Variants in CIAO3 observed in about 807,000 individuals in gnomAD.
CIAO3 encodes the protein cytosolic iron-sulfur assembly component 3.
In CIAO3, 45 loss-of-function variants were observed where a neutral mutation model predicts 51.5. The ratio of observed to expected loss-of-function variants is 0.87; its 90% CI spans 0.69 to 1.12. The LOEUF is 1.12. CIAO3 is among the 50% of genes most tolerant of loss of function. CIAO3 has a pLI of 0.00. For synonymous variants in CIAO3, 314 were observed against 269.3 expected (o/e 1.17, Z -1.63); for missense variants, 668 against 632.5 (o/e 1.06, Z -0.60).
Position 730,447 on chromosome 16 carries a change from C to G in CIAO3, c.1401G>C (p.Lys467Asn). Residue 467 changes from lysine (K) to asparagine (N), a missense_variant, in exon 11 of 11, where the codon AAG (lysine) becomes AAC (asparagine). Coordinates refer to ENST00000251588, the MANE Select transcript of CIAO3 (RefSeq NM_022493.3). ...ACCGGATGCCCAGGCCAGTGCTGGCCTTCTCCACGGCGTGGTACTGCGTAT... is the reference window on the plus strand; with the variant it reads ...ACCGGATGCCCAGGCCAGTGCTGGCGTTCTCCACGGCGTGGTACTGCGTAT... Reference protein sequence around the residue: ...LLHTQYHAVEKASTGLGIRW With the variant: ...LLHTQYHAVENASTGLGIRW 1 of 1,605,010 alleles carries G rather than the reference C, an allele frequency of 6.2e-7. No homozygotes were observed. Among genetic ancestry groups the G allele is most frequent in the Non-Finnish European group, 8.5e-7 (1 of 1,179,932 alleles).
At chr16:730,719 G>A in intron 10 of CIAO3, 64 bp from the exon 11 acceptor site, 1 of 1,584,676 alleles carries the variant, frequency 6.3e-7, no homozygotes, top group Non-Finnish European at 8.6e-7. Context: ...CTGACCACCA[G>A]GGAGCAGGGA....
Position 737,659 on chromosome 16 carries a change from A to G in CIAO3, c.163-330T>C, listed in dbSNP as rs1441351197. 1 of 1,334,130 alleles carries G rather than the reference A, an allele frequency of 7.5e-7. No homozygotes were observed. Among genetic ancestry groups the G allele is most frequent in the South Asian group, 1.2e-5 (1 of 81,394 alleles). 82.6% of individuals were successfully genotyped at this position (1,334,130 alleles called of 1,614,324 possible). ...GGGGTGCTGGCCCCGGTGCACACTC[A>G]CAGGGCTGTAGGGCAGGAAAATGCC... On this transcript the variant is annotated intron_variant, in intron 2 of 10. Coordinates refer to ENST00000251588, the MANE Select transcript of CIAO3 (RefSeq NM_022493.3). This position sits in a 1 kb window ranked among gnomAD's most constrained non-coding sequence, Gnocchi z 5.3.
At chr16:738,841 G>A (rs935982983) in intron 2 of CIAO3, among the ~76,000 whole-genome samples, 1 of 148,254 alleles carries the variant, frequency 6.7e-6, no homozygotes, top group African/African-American at 2.5e-5. Context: ...ACAGATGGGG[G>A]TTGGCCAGGC....
chr16:736,560 G>A (rs2041340630), intron 3 of CIAO3, among the ~76,000 whole-genome samples, 162 bp from the exon 4 acceptor site: 1 of 151,762 alleles, frequency 6.6e-6, no homozygotes, highest in East Asian at 1.9e-4. Context: ...TGTTGCCCAG[G>A]CTGGAGTGCA....
At chr16:738,564 G>T in intron 2 of CIAO3, 1 of 144,916 alleles carries the variant, frequency 6.9e-6, no homozygotes, top group East Asian at 1.9e-4. Flanking sequence ...GTGTTAGCCA[G>T]GATGGTCTCG....
chr16:735,487 C>T (rs1394495390), intron 4 of CIAO3: 3 of 152,380 alleles, frequency 2.0e-5, no homozygotes, highest in African/African-American at 7.2e-5. Context: ...CCCCACTTGC[C>T]CGTCATCATC....
chr16:736,487 G>T, intron 3 of CIAO3, 89 bp from the exon 4 acceptor site: 1 of 1,537,200 alleles, frequency 6.5e-7, no homozygotes, highest in Non-Finnish European at 8.9e-7. Context: ...GCTGTCAGCT[G>T]TGGAGAGGGC....
At chr16:731,516 TG>T in intron 9 of CIAO3, 48 bp downstream of exon 9, 3 of 1,507,036 alleles carry the variant, frequency 2.0e-6, no homozygotes, top group South Asian at 1.3e-5. Context: ...CGAGGAAGGC[TG>T]GGGGCTGTGT....
chr16:739,592 T>C (rs2041371700), intron 2 of CIAO3, 51 bp downstream of exon 2: 1 of 1,564,010 alleles, frequency 6.4e-7, no homozygotes, highest in South Asian at 1.1e-5. Flanking sequence ...GAGAAAAGTG[T>C]TTCGGATCAG....
At chr16:732,214 G>A in intron 8 of CIAO3, 87 bp downstream of exon 8, 3 of 1,387,314 alleles carry the variant, frequency 2.2e-6, no homozygotes, top group Non-Finnish European at 3.0e-6. Flanking sequence ...ATGGGCTGCG[G>A]GGAGGCAAGC....
chr16:733,520 A>C, intron 6 of CIAO3, 93 bp from the exon 7 acceptor site: 1 of 1,564,824 alleles, frequency 6.4e-7, no homozygotes, highest in Non-Finnish European at 8.7e-7. Flanking sequence ...GCCAGGCCGG[A>C]CCCCGAGGGA....
chr16:733,536 A>G (rs2041306614), intron 6 of CIAO3, 109 bp from the exon 7 acceptor site: 1 of 1,511,084 alleles, frequency 6.6e-7, no homozygotes, highest in Non-Finnish European at 9.0e-7. Flanking sequence ...AGGGACAGTG[A>G]GCCTCACTCC....
In CIAO3 at chr16:740,945, A is replaced by G; in HGVS notation, c.41T>C (p.Leu14Pro). The G allele has an allele frequency of 2.0e-6, 3 of 1,522,342 alleles. No homozygotes were observed. Among genetic ancestry groups the G allele is most frequent in the Non-Finnish European group, 2.6e-6 (3 of 1,138,938 alleles). The allele number at this position is 1,522,342 out of a possible 1,614,324, so 94.3% of individuals were successfully genotyped here. A position where few individuals can be genotyped will look rare whatever the true frequency, so the allele number is the denominator to read the frequency against. ...PFSGALQLTD[L>P]DDFIGPSQEC... ...CTGAGACGGCCCGATGAAGTCATCC[A>G]GGTCCGTCAGCTGCAGCGCCCCGCT... Residue 14 changes from leucine to proline, a missense_variant, in exon 1 of 11, where the codon CTG becomes CCG. Leu to Pro is a moderately conservative substitution (Grantham distance 98). Transcript: ENST00000251588.
In CIAO3 at chr16:734,872, C is replaced by G. The variant is rs780261183; in HGVS notation, c.440-1G>C. 2 of 1,549,622 alleles carry G rather than the reference C, an allele frequency of 1.3e-6. No homozygotes were observed. Among genetic ancestry groups the G allele is most frequent in the Non-Finnish European group, 1.7e-6 (2 of 1,144,308 alleles). ...GCGGTGTCGAAGACGAAGTGCACCC[C>G]TGGAAGGTGAAGGTGGGTGCCTGGT... On this transcript the variant is annotated splice_acceptor_variant, in intron 4 of 10. Coordinates refer to ENST00000251588, the MANE Select transcript of CIAO3 (RefSeq NM_022493.3). LOFTEE classifies it high-confidence loss of function.
Position 737,077 on chromosome 16 carries a change from C to T in CIAO3, c.306+109G>A. On this transcript the variant is annotated intron_variant, in intron 3 of 10. Coordinates refer to ENST00000251588, the MANE Select transcript of CIAO3 (RefSeq NM_022493.3). The surrounding 1 kb of genome is among the most constrained non-coding windows in gnomAD (Gnocchi z 5.3). ...CAAGCCTCAAAAAGGCAGGCGCCAC[C>T]CGCACGACGGACGTCGGCACCACAC... The T allele has an allele frequency of 6.9e-7, 1 of 1,454,676 alleles. No individual in the cohort carries two copies. Among genetic ancestry groups the T allele is most frequent in the Non-Finnish European group, 9.5e-7 (1 of 1,050,604 alleles). The allele number at this position is 1,454,676 out of a possible 1,614,324, so 90.1% of individuals were successfully genotyped here.
rs550859253 is a variant in CIAO3, at chr16:733,577, G to A, written c.694-150C>T. ...CCAGCAAGCCTCCTGCCGGCTCTGC[G>A]GATGTGTCCCTGGACAGGACGGGCC... On this transcript the variant is annotated intron_variant, in intron 6 of 10. Transcript: ENST00000251588. 23 of 1,199,374 alleles carry A rather than the reference G, an allele frequency of 1.9e-5. No individual in the cohort carries two copies. In the East Asian group the frequency reaches 2.3e-4, roughly 12 times the overall value. The allele number at this position is 1,199,374 out of a possible 1,614,324, so 74.3% of individuals were successfully genotyped here.
At position 738,110 on chromosome 16, in the gene CIAO3, A is replaced by G. The variant is rs553565876; in HGVS notation, c.163-781T>C. On this transcript the variant is annotated intron_variant, in intron 2 of 10. Coordinates refer to ENST00000251588, the MANE Select transcript of CIAO3 (RefSeq NM_022493.3). ...GTATTCCTACGTTGGTTCTGCCCCA[A>G]GGCACAAAGCCTTGCCTGCCACAGG... The G allele has an allele frequency of 2.9e-6, 3 of 1,025,238 alleles. No homozygotes were observed. In the African/African-American group the frequency reaches 5.2e-5, roughly 18 times the overall value. The allele number at this position is 1,025,238 out of a possible 1,614,324, so 63.5% of individuals were successfully genotyped here.
chr16:734,415 C>A, intron 5 of CIAO3, 68 bp from the exon 6 acceptor site: 1 of 1,181,564 alleles, frequency 8.5e-7, no homozygotes, highest in South Asian at 1.3e-5. Context: ...CAGGCAGCAG[C>A]ACGACATTCT....
intron 7 of CIAO3, chr16:732,675 C>T (rs1004216392): frequency 8.1e-5 from 34 of 419,740 alleles, no homozygotes; most frequent in Non-Finnish European, 1.2e-4. Context: ...CTCACTCTGC[C>T]GCCCAGGCTG....
Sources: allele counts gnomAD v4.1 joint callset (sites outside exome capture counted in the v4.1 genomes callset), GRCh38; gene constraint gnomAD v4.1.1; non-coding constraint Gnocchi (gnomAD v3.1); transcripts MANE v1.5; gene names NCBI Gene and HGNC (gene_info 2026-07-23, HGNC 2026-07-21).